ATP2B2: variants seen among roughly 807,000 people sequenced by gnomAD.
The protein encoded by ATP2B2 is ATPase plasma membrane Ca2+ transporting 2, also known as plasma membrane calcium-transporting ATPase 2.
A neutral mutation model predicts 120.0 loss-of-function variants in ATP2B2; 15 were observed. The ratio of observed to expected loss-of-function variants is 0.12; its 90% CI spans 0.08 to 0.19. ATP2B2 has a LOEUF of 0.19. Ranked by LOEUF, ATP2B2 falls within the 10% of genes least tolerant of loss-of-function variation. The pLI, the probability that ATP2B2 is intolerant of heterozygous loss-of-function variation, is 1.00. For synonymous variants in ATP2B2, 694 were observed against 700.3 expected (o/e 0.99, Z 0.14); for missense variants, 1,045 against 1,719.8 (o/e 0.61, Z 6.94).
chr3:10,655,438 A>G (rs561644022), intron 1 of ATP2B2, among the ~76,000 whole-genome samples: 1 of 97,994 alleles, frequency 1.0e-5, no homozygotes, highest in Admixed American at 9.7e-5. Context: ...TCTATTTTGT[A>G]AATTCCCTGG....
In ATP2B2 at chr3:10,538,777, T is replaced by C. The variant is rs531105086; in HGVS notation, c.-414-4644A>G. ...AACCCACAGCCAATATCATACTGAA[T>C]GGGCAAAAACTGGAAGCATTCCCTT... On this transcript the variant is annotated intron_variant, in intron 2 of 21. Coordinates refer to the ATP2B2 transcript ENST00000646379. Among the ~76,000 whole-genome samples, 398 of 152,322 alleles carry C rather than the reference T, an allele frequency of 2.6e-3. 1 individual carries two copies. The highest frequency in any genetic ancestry group is 9.0e-3 in the African/African-American group (375 of 41,580).
chr3:10,673,806 CAAAAAAAAAAAAA>C (rs549651187), intron 1 of ATP2B2, among the ~76,000 whole-genome samples: 4 of 73,780 alleles, frequency 5.4e-5, no homozygotes, highest in Non-Finnish European at 7.1e-5. Flanking sequence ...GACCCTGTTT[CAAAAAAAAAAAAA>C]AAAAAAAAAG....
chr3:10,611,330 G>A (rs1239414370), intron 2 of ATP2B2, among the ~76,000 whole-genome samples: 1 of 152,200 alleles, frequency 6.6e-6, no homozygotes, highest in Non-Finnish European at 1.5e-5. Flanking sequence ...CACCTCCCTG[G>A]CCTGGGCATG....
At chr3:10,554,543 A>G (rs2067738601) in intron 2 of ATP2B2, among the ~76,000 whole-genome samples, 1 of 152,182 alleles carries the variant, frequency 6.6e-6, no homozygotes, top group South Asian at 2.1e-4. Context: ...CCTCTAGAAG[A>G]TGGAAAAGGC....
At chr3:10,361,377 T>C (rs762926363) in intron 12 of ATP2B2, among the ~76,000 whole-genome samples, 3 of 152,204 alleles carry the variant, frequency 2.0e-5, no homozygotes, top group Non-Finnish European at 4.4e-5. Context: ...GGCTCTAGTG[T>C]GTTCCTTTTT....
intron 2 of ATP2B2, among the ~76,000 whole-genome samples, chr3:10,440,698 C>T (rs924989206): frequency 6.6e-6 from 1 of 152,336 alleles, no homozygotes; most frequent in East Asian, 1.9e-4. Context: ...GTGGGGATCA[C>T]TCCTCCTTCA....
At chr3:10,389,543 T>C (rs2061784124) in intron 5 of ATP2B2, among the ~76,000 whole-genome samples, 1 of 151,930 alleles carries the variant, frequency 6.6e-6, no homozygotes, top group Non-Finnish European at 1.5e-5. Flanking sequence ...CTGCATGAGG[T>C]CCCCTGAGTC....
intron 2 of ATP2B2, among the ~76,000 whole-genome samples, chr3:10,426,372 G>A (rs966133063): frequency 5.3e-5 from 8 of 152,200 alleles, no homozygotes; most frequent in South Asian, 2.1e-4. Flanking sequence ...GAAGAAGGAA[G>A]GTGAGGAGTG....
At chr3:10,641,575 C>G (rs2070172810) in intron 1 of ATP2B2, among the ~76,000 whole-genome samples, 1 of 152,188 alleles carries the variant, frequency 6.6e-6, no homozygotes, top group African/African-American at 2.4e-5. Context: ...GAGAAAACAT[C>G]CAGGGGCCAG....
Position 10,400,981 on chromosome 3 carries a change from G to C in ATP2B2, c.753C>G (p.Ser251=), listed in dbSNP as rs763438738. 1 of 1,614,008 alleles carries C rather than the reference G, an allele frequency of 6.2e-7. No homozygotes were observed. The highest frequency in any genetic ancestry group is 1.7e-5 in the Admixed American group (1 of 60,012). ...LTGESDQVRK[S]VDKDPMLLSG... ...ACAGCAGCATGGGGTCCTTGTCCACGGACTTGCGCACCTGGTCAGACTCTC... is the reference window on the plus strand; with the variant it reads ...ACAGCAGCATGGGGTCCTTGTCCACCGACTTGCGCACCTGGTCAGACTCTC... Residue 251 remains serine, a synonymous_variant, in exon 5 of 23, where the codon TCC becomes TCG. Transcript: ENST00000360273.
intron 2 of ATP2B2, among the ~76,000 whole-genome samples, chr3:10,550,141 G>C (rs944922587): frequency 6.6e-6 from 1 of 152,242 alleles, no homozygotes; most frequent in Non-Finnish European, 1.5e-5. Flanking sequence ...TAGCTACAGA[G>C]AATAGAGCCT....
intron 2 of ATP2B2, among the ~76,000 whole-genome samples, chr3:10,612,832 A>G (rs1290920975): frequency 6.6e-6 from 1 of 152,240 alleles, no homozygotes; most frequent in African/African-American, 2.4e-5. Flanking sequence ...ATGGTTGTAT[A>G]ATAAAACTTT....
intron 2 of ATP2B2, among the ~76,000 whole-genome samples, chr3:10,421,074 C>T (rs1272604094): frequency 2.6e-5 from 4 of 152,288 alleles, no homozygotes; most frequent in African/African-American, 9.6e-5. Flanking sequence ...CTGAGTCACA[C>T]ACTCTTGGAT....
At chr3:10,474,512 G>A (rs1306696574) in intron 1 of ATP2B2, among the ~76,000 whole-genome samples, 1 of 152,226 alleles carries the variant, frequency 6.6e-6, no homozygotes, top group Non-Finnish European at 1.5e-5. Flanking sequence ...AGCCATTAGA[G>A]GTCAGGTAGA....
At chr3:10,682,574 T>C (rs1407943182) in intron 1 of ATP2B2, among the ~76,000 whole-genome samples, 4 of 152,150 alleles carry the variant, frequency 2.6e-5, no homozygotes, top group Non-Finnish European at 2.9e-5. Flanking sequence ...GCTTAGTGAG[T>C]GTAACCTATT....
intron 1 of ATP2B2, among the ~76,000 whole-genome samples, chr3:10,689,623 AG>A (rs2071608511): frequency 6.6e-6 from 1 of 152,172 alleles, no homozygotes; most frequent in Non-Finnish European, 1.5e-5. Flanking sequence ...TCAGGATAAA[AG>A]GGCCTCCTTT....
At chr3:10,337,195 G>A (rs1574940534) in intron 22 of ATP2B2, among the ~76,000 whole-genome samples, 1 of 152,246 alleles carries the variant, frequency 6.6e-6, no homozygotes, top group Non-Finnish European at 1.5e-5. Flanking sequence ...AAGGTCACAT[G>A]AGGTGAGGTT....
rs571878142 is a variant in ATP2B2, at chr3:10,403,479, T to C, written c.398-1131A>G. ...CCAAAGGCAGATCCTACTCATGCAG[T>C]GCTGGGCCTAAGGCCCTTCCACGCC... On this transcript the variant is annotated intron_variant, in intron 3 of 22. Transcript: ENST00000360273. Among the ~76,000 whole-genome samples the C allele has an allele frequency of 2.0e-5, 3 of 152,352 alleles. No homozygotes were observed. The East Asian group carries it at 5.8e-4, about 29-fold the overall frequency.
Position 10,357,446 on chromosome 3 carries a change from C to A in ATP2B2, c.2136+1245G>T, listed in dbSNP as rs1488803903. Among the ~76,000 whole-genome samples, 4 of 152,274 alleles carry A rather than the reference C, an allele frequency of 2.6e-5. No individual in the cohort carries two copies. The East Asian group carries it at 7.7e-4, about 29-fold the overall frequency. On this transcript the variant is annotated intron_variant, in intron 14 of 22. Transcript: ENST00000360273. ...TGAAATGCCTGTGACCTCCTAGTTTCATTTTTCTTTGGAATGCAGAATCTT... is the reference window on the plus strand; with the variant it reads ...TGAAATGCCTGTGACCTCCTAGTTTAATTTTTCTTTGGAATGCAGAATCTT...
Sources: gnomAD v4.1 joint callset for allele counts (sites outside exome capture counted in the v4.1 genomes callset) on GRCh38, gnomAD v4.1.1 for gene constraint, MANE v1.5 for transcripts, NCBI Gene and HGNC (gene_info 2026-07-23, HGNC 2026-07-21) for gene names.